Variants in C15orf39 observed in about 807,000 individuals in gnomAD.
C15orf39 encodes the protein PRMT2 interacting protein.
In C15orf39, 24 loss-of-function variants were observed where a neutral mutation model predicts 53.9. The observed-to-expected ratio is 0.45, with a 90% CI of 0.32 to 0.63. The LOEUF is 0.63. Among genes scored for constraint, C15orf39 ranks in the 20% least tolerant of loss-of-function variants. C15orf39 has a pLI of 0.04. For missense variants in C15orf39, 1,271 were observed against 1,347.9 expected (o/e 0.94, Z 0.89); for synonymous variants, 569 against 576.5 (o/e 0.99, Z 0.19).
chr15:75,206,586 C>T lies in C15orf39; in HGVS notation c.538C>T (p.Pro180Ser), dbSNP rs1475527450. ...ADPPCSLAPA[P>S]SKGQTLDGTF... ...CCCACCCTGCTCTCTGGCCCCAGCT[C>T]CTAGCAAGGGCCAGACTCTGGATGG... The change falls in exon 2 of 3, where the codon CCT becomes TCT. Residue 180 changes from proline (P) to serine (S), a missense_variant. This residue lies in a region of C15orf39 where 994 missense variants were observed against 993.7 expected (regional missense o/e 1.00). Coordinates refer to ENST00000394987, the MANE Select transcript of C15orf39 (RefSeq NM_015492.5). 16 of 1,613,676 alleles carry T rather than the reference C, an allele frequency of 9.9e-6. No individual in the cohort carries two copies. The highest frequency in any genetic ancestry group is 1.4e-5 in the Non-Finnish European group (16 of 1,179,876).
intron 1 of C15orf39, 132 bp from the exon 2 acceptor site, chr15:75,205,867 C>T (rs1165477225): frequency 9.5e-6 from 6 of 632,076 alleles, no homozygotes; most frequent in Non-Finnish European, 1.6e-5. Flanking sequence ...CATGCACTCA[C>T]AGTCTTAACT....
At chr15:75,210,188 G>A (rs2070473387) in intron 2 of C15orf39, among the ~76,000 whole-genome samples, 1 of 152,160 alleles carries the variant, frequency 6.6e-6, no homozygotes, top group East Asian at 1.9e-4. Flanking sequence ...CAGGCTTCTG[G>A]CTTCTGGCTG....
chr15:75,199,484 A>C (rs180820968), upstream of C15orf39, among the ~76,000 whole-genome samples: 3 of 152,198 alleles, frequency 2.0e-5, no homozygotes, highest in Non-Finnish European at 4.4e-5. Flanking sequence ...AGTAGCTGCC[A>C]GCTCCACCTC....
chr15:75,210,625 G>A (rs1015297146), intron 2 of C15orf39, 124 bp from the exon 3 acceptor site: 7 of 1,378,810 alleles, frequency 5.1e-6, no homozygotes, highest in African/African-American at 1.5e-5. Context: ...GCATGTGTGG[G>A]GAAGAGTTGT....
chr15:75,204,243 G>A (rs1310665770), intron 1 of C15orf39, among the ~76,000 whole-genome samples: 1 of 152,192 alleles, frequency 6.6e-6, no homozygotes, highest in Non-Finnish European at 1.5e-5. Flanking sequence ...ATAGGGTGCT[G>A]GCTGGGGGAG....
At chr15:75,205,862 A>C (rs890354012) in intron 1 of C15orf39, 137 bp from the exon 2 acceptor site, 14 of 613,736 alleles carry the variant, frequency 2.3e-5, no homozygotes, top group Non-Finnish European at 3.9e-5. Flanking sequence ...TGGCTCATGC[A>C]CTCACAGTCT....
chr15:75,205,830 C>T (rs1053542670), intron 1 of C15orf39, among the ~76,000 whole-genome samples, 169 bp from the exon 2 acceptor site: 7 of 152,108 alleles, frequency 4.6e-5, no homozygotes, highest in Non-Finnish European at 8.8e-5. Flanking sequence ...AATACATACA[C>T]GAGTTGGAAA....
Position 75,207,138 on chromosome 15 carries a change from A to G in C15orf39, c.1090A>G (p.Thr364Ala), listed in dbSNP as rs200796716. 1 of 1,612,250 alleles carries G rather than the reference A, an allele frequency of 6.2e-7. No individual in the cohort carries two copies. The highest frequency in any genetic ancestry group is 1.1e-5 in the South Asian group (1 of 91,008). The change falls in exon 2 of 3, where the codon ACT (threonine) becomes GCT (alanine). Residue 364 changes from threonine to alanine, a missense_variant. Coordinates refer to ENST00000394987, the MANE Select transcript of C15orf39 (RefSeq NM_015492.5). ...SPGLKLEPPL[T>A]PRCPLDFAPQ... is the part of the protein sequence containing the mutation. ...AGGCCTCAAGCTGGAGCCGCCTCTC[A>G]CTCCACGGTGCCCATTGGACTTTGC...
chr15:75,206,810 C>T lies in C15orf39; in HGVS notation c.762C>T (p.Ala254=), dbSNP rs2070442225. ...CCTCAAGTCCTTGGACCCAGCTGGCCCAGCCCCTGGGGCCACCCTGTCAGG... is the reference window on the plus strand; with the variant it reads ...CCTCAAGTCCTTGGACCCAGCTGGCTCAGCCCCTGGGGCCACCCTGTCAGG... ...EGPSSPWTQL[A]QPLGPPCQDT... The change falls in exon 2 of 3, where the codon GCC becomes GCT. Residue 254 remains alanine (A), a synonymous_variant. Coordinates refer to ENST00000394987, the MANE Select transcript of C15orf39 (RefSeq NM_015492.5). 6.2e-7 allele frequency: 1 copy of T among 1,606,226 alleles called. No individual in the cohort carries two copies. Among genetic ancestry groups the T allele is most frequent in the South Asian group, 1.1e-5 (1 of 89,974 alleles).
chr15:75,208,654 A>T lies in C15orf39; in HGVS notation c.2606A>T (p.His869Leu). ...TCTGTGGACCATGTGCTGCAGGAGC[A>T]TCGTGTGGAGCTGCGGCCCACCACG... ...PASVDHVLQE[H>L]RVELRPTTLS... Residue 869 changes from histidine (H) to leucine (L), a missense_variant, in exon 2 of 3, where the codon CAT becomes CTT. By Grantham distance (99) the His-to-Leu change is moderately conservative (BLOSUM62 -3). This residue lies in a region of C15orf39 where 277 missense variants were observed against 354.1 expected (regional missense o/e 0.78). Transcript: ENST00000394987. 1 of 1,605,736 alleles carries T rather than the reference A, an allele frequency of 6.2e-7. No homozygotes were observed. The highest frequency in any genetic ancestry group is 8.5e-7 in the Non-Finnish European group (1 of 1,177,634).
At chr15:75,203,242 G>C (rs905101372) in intron 1 of C15orf39, among the ~76,000 whole-genome samples, 6 of 152,244 alleles carry the variant, frequency 3.9e-5, no homozygotes, top group African/African-American at 1.4e-4. Flanking sequence ...TTCCCACTGC[G>C]TAAGGCAGGG....
At position 75,207,903 on chromosome 15, in the gene C15orf39, A is replaced by G; in HGVS notation, c.1855A>G (p.Lys619Glu). ...CATGGTGTCAGATCTGCCAGGCCTG[A>G]AAAAGATAGACACAGAAGCACCAGG... ...GNMVSDLPGL[K>E]KIDTEAPGLP... Residue 619 changes from lysine (K) to glutamate (E), a missense_variant, in exon 2 of 3, where the codon AAA becomes GAA. By Grantham distance (56) the Lys-to-Glu change is moderately conservative. Coordinates refer to ENST00000394987, the MANE Select transcript of C15orf39 (RefSeq NM_015492.5). 1 of 1,613,688 alleles carries G rather than the reference A, an allele frequency of 6.2e-7. No individual in the cohort carries two copies. Among genetic ancestry groups the G allele is most frequent in the Non-Finnish European group, 8.5e-7 (1 of 1,180,022 alleles).
Position 75,207,709 on chromosome 15 carries a change from C to G in C15orf39, c.1661C>G (p.Ala554Gly). The G allele has an allele frequency of 6.2e-7, 1 of 1,601,788 alleles. No individual in the cohort carries two copies. Among genetic ancestry groups the G allele is most frequent in the Non-Finnish European group, 8.5e-7 (1 of 1,173,184 alleles). The part of the protein sequence containing the change: ...QDKGCRGTLP[A>G]QEGPSGSKPL... ...AAAGGCTGCAGGGGGACCCTGCCTG[C>G]CCAGGAGGGCCCCTCAGGGAGTAAA... The change falls in exon 2 of 3, where the codon GCC becomes GGC. Residue 554 changes from alanine (A) to glycine (G), a missense_variant. Around this residue, in one of 2 missense-constraint regions of C15orf39, gnomAD observed 994 missense variants for 993.7 expected, o/e 1.00. Coordinates refer to ENST00000394987, the MANE Select transcript of C15orf39 (RefSeq NM_015492.5).
Position 75,208,828 on chromosome 15 carries a change from A to C in C15orf39, c.2776+4A>C, listed in dbSNP as rs2070462707. The stretch of plus-strand genomic sequence containing the variant: ...GACTGTGTACGCCGCCAGCTGGGTG[A>C]GCATGGGGCAGCCCCAGTGGCCACC... On this transcript the variant is annotated splice_donor_region_variant and intron_variant, in intron 2 of 2. Coordinates refer to ENST00000394987, the MANE Select transcript of C15orf39 (RefSeq NM_015492.5). 1 of 1,583,652 alleles carries C rather than the reference A, an allele frequency of 6.3e-7. No individual in the cohort carries two copies. Among genetic ancestry groups the C allele is most frequent in the African/African-American group, 1.3e-5 (1 of 74,668 alleles).
chr15:75,202,628 CT>C (rs982839536), intron 1 of C15orf39, among the ~76,000 whole-genome samples: 1 of 152,216 alleles, frequency 6.6e-6, no homozygotes, highest in African/African-American at 2.4e-5. Flanking sequence ...CGGGCCGCCC[CT>C]GTTCCGGGAC....
rs376778992 is a variant in C15orf39 at position 75,207,408 on chromosome 15, C to T, written c.1360C>T (p.Leu454Phe). ...CAGGAAAGAGAAGCTCCAGCCCCGG[C>T]TCAGTGAGCACTCTGGGCCGCCCAT... is the stretch of plus-strand genomic sequence containing the variant. ...SCRKEKLQPR[L>F]SEHSGPPIVI... The change falls in exon 2 of 3, where the codon CTC becomes TTC. Residue 454 changes from leucine (L) to phenylalanine (F), a missense_variant. By Grantham distance (22) the Leu-to-Phe change is conservative. Coordinates refer to ENST00000394987, the MANE Select transcript of C15orf39 (RefSeq NM_015492.5). 3 of 1,613,454 alleles carry T rather than the reference C, an allele frequency of 1.9e-6. No homozygotes were observed. The highest frequency in any genetic ancestry group is 2.7e-5 in the African/African-American group (2 of 75,036).
Position 75,206,348 on chromosome 15 carries a change from C to T in C15orf39, c.300C>T (p.Gly100=). ...NCLFYRSPAE[G]PEKMQDSSPV... ...TGTTCTACCGCTCGCCAGCAGAAGGCCCTGAGAAGATGCAGGACTCCAGCC... is the reference window on the plus strand; with the variant it reads ...TGTTCTACCGCTCGCCAGCAGAAGGTCCTGAGAAGATGCAGGACTCCAGCC... The change falls in exon 2 of 3, where the codon GGC becomes GGT. Residue 100 remains glycine, a synonymous_variant. Coordinates refer to ENST00000394987, the MANE Select transcript of C15orf39 (RefSeq NM_015492.5). The T allele has an allele frequency of 6.2e-7, 1 of 1,614,092 alleles. No homozygotes were observed. The highest frequency in any genetic ancestry group is 8.5e-7 in the Non-Finnish European group (1 of 1,180,000).
At chr15:75,204,931 C>G (rs2070428032) in intron 1 of C15orf39, among the ~76,000 whole-genome samples, 1 of 152,186 alleles carries the variant, frequency 6.6e-6, no homozygotes, top group South Asian at 2.1e-4. Context: ...TGCTCTGGGA[C>G]CTTCCTGCTG....
At chr15:75,204,899 G>A (rs1235067542) in intron 1 of C15orf39, among the ~76,000 whole-genome samples, 1 of 152,208 alleles carries the variant, frequency 6.6e-6, no homozygotes, top group Non-Finnish European at 1.5e-5. Flanking sequence ...CTTGGGGGCT[G>A]GGGGTGGATC....
Sources: allele counts gnomAD v4.1 joint callset (sites outside exome capture counted in the v4.1 genomes callset), GRCh38; gene constraint gnomAD v4.1.1; regional missense constraint gnomAD v4.1.1; transcripts MANE v1.5; gene names NCBI Gene and HGNC (gene_info 2026-07-23, HGNC 2026-07-21).